Variants in CCDC171 observed in about 807,000 individuals in gnomAD.
CCDC171 encodes coiled-coil domain-containing protein 171.
In CCDC171, 177 loss-of-function variants were observed where a neutral mutation model predicts 168.2. The observed-to-expected ratio is 1.05, with a 90% CI of 0.93 to 1.19. The LOEUF (loss-of-function observed/expected upper bound fraction) is 1.19. CCDC171 is among the 50% of genes most tolerant of loss of function. The pLI is 0.00. For missense variants in CCDC171, 1,991 were observed against 1,539.0 expected, an observed-to-expected ratio of 1.29 and a Z score of -4.91; for synonymous variants, 687 against 540.8, an observed-to-expected ratio of 1.27 and a Z score of -3.75.
At chr9:15,734,163 T>C (rs1006128808) in intron 16 of CCDC171, among the ~76,000 whole-genome samples, 6 of 152,202 alleles carry the variant, frequency 3.9e-5, no homozygotes, top group African/African-American at 9.7e-5. Context: ...CTCTGAAGAA[T>C]GTGTAATACC....
At chr9:15,572,969 G>A (rs2040351700) in intron 3 of CCDC171, among the ~76,000 whole-genome samples, 1 of 152,102 alleles carries the variant, frequency 6.6e-6, no homozygotes, top group African/African-American at 2.4e-5. Flanking sequence ...GATCAGCCTG[G>A]CCAACATGGT....
the CCDC171 span, among the ~76,000 whole-genome samples, chr9:16,103,878 A>G: frequency 6.6e-6 from 1 of 152,182 alleles, no homozygotes; most frequent in African/African-American, 2.4e-5. Context: ...ACGTGTTCAA[A>G]ACTGGAGGTC....
chr9:15,916,966 A>G (rs16933800), intron 24 of CCDC171, among the ~76,000 whole-genome samples: 6,827 of 152,022 alleles, frequency 0.045, 531 homozygotes, highest in African/African-American at 0.16. Context: ...CAAATCCTGG[A>G]CTTGCTGTAT....
chr9:16,106,644 T>A, the CCDC171 span, among the ~76,000 whole-genome samples: 1 of 152,238 alleles, frequency 6.6e-6, no homozygotes, highest in Non-Finnish European at 1.5e-5. Context: ...CTTTAGAAAG[T>A]TGAGAAGTCA....
chr9:15,646,400 A>C (rs1587706177), intron 7 of CCDC171, among the ~76,000 whole-genome samples: 1 of 152,220 alleles, frequency 6.6e-6, no homozygotes, highest in South Asian at 2.1e-4. Flanking sequence ...CACACATAAC[A>C]ATATTAACTT....
rs370527200 is a variant in CCDC171 at position 15,851,322 on chromosome 9, GT to G, written c.3468+2383del. 7.8e-3 allele frequency among the ~76,000 whole-genome samples: 1,180 copies of G among 151,024 alleles called. 12 individuals carry two copies. The highest frequency in any genetic ancestry group is 0.027 in the African/African-American group (1,122 of 41,198). ...CAGTCATTTCAGTTAAAAACATATAGTTTTTTTTCAAAGAAATGTAAATTTT... is the reference window on the plus strand; with the variant it reads ...CAGTCATTTCAGTTAAAAACATATAGTTTTTTTCAAAGAAATGTAAATTTT... On this transcript the variant is annotated intron_variant, in intron 23 of 25. Transcript: ENST00000380701.
At chr9:15,764,936 C>T (rs929263944) in intron 18 of CCDC171, among the ~76,000 whole-genome samples, 5 of 152,196 alleles carry the variant, frequency 3.3e-5, no homozygotes, top group African/African-American at 7.2e-5. Flanking sequence ...GACCTTTCAA[C>T]ATTTAGAGGT....
intron 16 of CCDC171, among the ~76,000 whole-genome samples, chr9:15,738,670 T>A (rs949913357): frequency 6.6e-6 from 1 of 152,072 alleles, no homozygotes; most frequent in African/African-American, 2.4e-5. Flanking sequence ...ACCCTTACAA[T>A]CAAACAGGCT....
rs1243659216 is a variant in CCDC171, at chr9:15,819,263, G to T, written c.3268-27439G>T. Among the ~76,000 whole-genome samples, 2 of 117,494 alleles carry T rather than the reference G, an allele frequency of 1.7e-5. 1 individual carries two copies. The highest frequency in any genetic ancestry group is 6.4e-5 in the African/African-American group (2 of 31,228). 77.1% of individuals were successfully genotyped at this position (117,494 alleles called of 152,430 possible). On this transcript the variant is annotated intron_variant, in intron 21 of 25. Transcript: ENST00000380701. ...CATGCCAAATTGTAAAGACCATCGA[G>T]GCTAGGAAGAAACTGCATCAACTAA...
chr9:15,579,131 T>A, intron 4 of CCDC171, 108 bp downstream of exon 4: 1 of 837,022 alleles, frequency 1.2e-6, no homozygotes, highest in Non-Finnish European at 1.8e-6. Context: ...AGATTCTGAT[T>A]CGTTGACTGA....
intron 21 of CCDC171, among the ~76,000 whole-genome samples, chr9:15,811,809 T>A (rs540902881): frequency 6.6e-5 from 10 of 152,336 alleles, no homozygotes; most frequent in African/African-American, 2.4e-4. Context: ...CATGAGTGAA[T>A]ACAGAAATGT....
chr9:15,789,335 A>C (rs1588503491), intron 21 of CCDC171, among the ~76,000 whole-genome samples: 1 of 152,184 alleles, frequency 6.6e-6, no homozygotes, highest in East Asian at 1.9e-4. Context: ...ATTTTACATA[A>C]GGGATGCTCA....
At chr9:15,910,168 A>C (rs1455834375) in intron 24 of CCDC171, among the ~76,000 whole-genome samples, 1 of 66,680 alleles carries the variant, frequency 1.5e-5, no homozygotes, top group Non-Finnish European at 3.1e-5. Context: ...CATGGTATAT[A>C]TGTGCACACA....
intron 24 of CCDC171, among the ~76,000 whole-genome samples, chr9:15,904,702 C>T (rs1036888065): frequency 5.9e-5 from 9 of 152,044 alleles, no homozygotes; most frequent in African/African-American, 9.7e-5. Context: ...GGGCTAAATG[C>T]TCCAATTAAA....
intron 23 of CCDC171, among the ~76,000 whole-genome samples, chr9:15,865,394 G>GTGTGTGTGTA: frequency 6.6e-6 from 1 of 151,630 alleles, no homozygotes; most frequent in Non-Finnish European, 1.5e-5. Flanking sequence ...TTGTGTGTGT[G>GTGTGTGTGTA]TGTATGTATG....
chr9:15,907,729 G>A (rs919006575), intron 24 of CCDC171, among the ~76,000 whole-genome samples: 2 of 152,106 alleles, frequency 1.3e-5, no homozygotes, highest in South Asian at 2.1e-4. Flanking sequence ...GCAACCTACA[G>A]AATGGGAGAA....
chr9:15,859,637 T>TTTTTG lies in CCDC171; in HGVS notation c.3468+10720_3468+10724dup, dbSNP rs572230037. Among the ~76,000 whole-genome samples, 1,147 of 127,388 alleles carry TTTTTG rather than the reference T, an allele frequency of 9.0e-3. 19 individuals are homozygous for TTTTTG. Among genetic ancestry groups the TTTTTG allele is most frequent in the African/African-American group, 0.028 (901 of 32,656 alleles). 83.6% of individuals were successfully genotyped at this position (127,388 alleles called of 152,430 possible). A position where few individuals can be genotyped will look rare whatever the true frequency, so the allele number is the denominator to read the frequency against. On this transcript the variant is annotated intron_variant, in intron 23 of 25. Coordinates refer to ENST00000380701, the MANE Select transcript of CCDC171 (RefSeq NM_173550.4). ...CCCCTCTGCCCCCACCCCCCGAATC[T>TTTTTG]TTTTGTTTTGTTTTGTTTTGTTTTG...
intron 7 of CCDC171, among the ~76,000 whole-genome samples, chr9:15,635,326 G>C (rs1259451075): frequency 6.6e-6 from 1 of 151,992 alleles, no homozygotes; most frequent in African/African-American, 2.4e-5. Context: ...ATCTTCTTTG[G>C]AGAAATAGCT....
chr9:15,844,825 A>G (rs898760721), intron 21 of CCDC171, among the ~76,000 whole-genome samples: 1 of 152,058 alleles, frequency 6.6e-6, no homozygotes, highest in Admixed American at 6.6e-5. Flanking sequence ...TTGAAAAGTC[A>G]AGTGTGGGTT....
Sources: gnomAD v4.1 joint callset for allele counts (sites outside exome capture counted in the v4.1 genomes callset) on GRCh38, gnomAD v4.1.1 for gene constraint, MANE v1.5 for transcripts, NCBI Gene and HGNC (gene_info 2026-07-23, HGNC 2026-07-21) for gene names.